The following ROR2 variants were observed in gnomAD, a reference collection of about 807,000 sequenced individuals.
ROR2 encodes the protein tyrosine-protein kinase transmembrane receptor ROR2.
In ROR2, 33 loss-of-function variants were observed where a neutral mutation model predicts 74.9. The ratio of observed to expected loss-of-function variants is 0.44; its 90% CI spans 0.33 to 0.59. ROR2 has a LOEUF of 0.59. ROR2 is among the 20% of genes least tolerant of loss of function. The probability of loss-of-function intolerance (pLI) is 0.02; values close to 1 mark genes in which losing one functional copy is unlikely to be tolerated. For synonymous variants in ROR2, 586 were observed against 558.7 expected (o/e 1.05, Z -0.69); for missense variants, 1,216 against 1,313.8 (o/e 0.93, Z 1.15).
At chr9:91,945,028 C>T (rs747368267) in intron 1 of ROR2, among the ~76,000 whole-genome samples, 1 of 151,514 alleles carries the variant, frequency 6.6e-6, no homozygotes. Context: ...GGTAGTGAGC[C>T]GTGTTTGCAC....
chr9:91,739,041 C>T (rs1343667747), intron 4 of ROR2, among the ~76,000 whole-genome samples: 2 of 152,180 alleles, frequency 1.3e-5, no homozygotes, highest in African/African-American at 4.8e-5. Flanking sequence ...CGGGGGCTGC[C>T]ACTGCTGGCA....
chr9:91,858,938 C>CCT (rs148163248), intron 1 of ROR2, among the ~76,000 whole-genome samples: 1 of 152,266 alleles, frequency 6.6e-6, no homozygotes, highest in African/African-American at 2.4e-5. Context: ...CTATTGCCCA[C>CCT]CTCCTGAACA....
intron 1 of ROR2, among the ~76,000 whole-genome samples, chr9:91,901,864 A>T (rs566811194): frequency 1.9e-4 from 28 of 151,240 alleles, no homozygotes; most frequent in African/African-American, 6.8e-4. Flanking sequence ...AGCTTTGTTT[A>T]TTTTTCCATA....
intron 4 of ROR2, among the ~76,000 whole-genome samples, chr9:91,738,082 C>T (rs1352869600): frequency 5.3e-5 from 8 of 152,018 alleles, no homozygotes; most frequent in African/African-American, 1.7e-4. Context: ...GGTGAGCACA[C>T]GTCACTATAC....
chr9:91,924,545 G>A (rs548023163), intron 1 of ROR2, among the ~76,000 whole-genome samples: 1 of 152,354 alleles, frequency 6.6e-6, no homozygotes, highest in South Asian at 2.1e-4. Flanking sequence ...TGTAATCCCA[G>A]CACTTTGGGA....
intron 1 of ROR2, among the ~76,000 whole-genome samples, chr9:91,777,789 C>A (rs145385133): frequency 1.2e-3 from 175 of 152,140 alleles, no homozygotes; most frequent in African/African-American, 4.1e-3. Context: ...TAAATGAAAT[C>A]ATATAATATG....
intron 4 of ROR2, among the ~76,000 whole-genome samples, chr9:91,740,408 C>T (rs566071509): frequency 4.6e-5 from 7 of 151,990 alleles, no homozygotes; most frequent in Admixed American, 2.0e-4. Context: ...CAAAATTAGC[C>T]AGGCGTAGTG....
chr9:91,937,977 C>G lies in ROR2; in HGVS notation c.97+11890G>C, dbSNP rs561591980. 4.6e-5 allele frequency among the ~76,000 whole-genome samples: 7 copies of G among 152,318 alleles called. No homozygotes were observed. The East Asian group carries it at 1.4e-3, about 29-fold the overall frequency. ...AAGTGACCCTCCCACCTCAGCCTCC[C>G]GAAGTGCTGGGATTACAGGCAAGGG... On this transcript the variant is annotated intron_variant, in intron 1 of 8. Coordinates refer to ENST00000375708, the MANE Select transcript of ROR2 (RefSeq NM_004560.4).
At chr9:91,915,366 C>T (rs562594483) in intron 1 of ROR2, among the ~76,000 whole-genome samples, 5 of 152,282 alleles carry the variant, frequency 3.3e-5, no homozygotes, top group African/African-American at 1.2e-4. Context: ...AGTTTTGTTC[C>T]TTCCGGTAGG....
At chr9:91,777,249 A>G (rs761620328) in intron 1 of ROR2, among the ~76,000 whole-genome samples, 1 of 152,190 alleles carries the variant, frequency 6.6e-6, no homozygotes, top group African/African-American at 2.4e-5. Context: ...TATGTGAACT[A>G]GTAGAATGGG....
intron 2 of ROR2, among the ~76,000 whole-genome samples, chr9:91,772,443 C>A (rs1020803922): frequency 1.3e-5 from 2 of 152,164 alleles, no homozygotes; most frequent in African/African-American, 4.8e-5. Flanking sequence ...TGCCCAAGGC[C>A]CTGACCCCAG....
chr9:91,947,524 G>A (rs1832041013), intron 1 of ROR2, among the ~76,000 whole-genome samples: 1 of 152,080 alleles, frequency 6.6e-6, no homozygotes, highest in African/African-American at 2.4e-5. Flanking sequence ...TTTTCTTCTA[G>A]ATGGATTTCT....
intron 1 of ROR2, among the ~76,000 whole-genome samples, chr9:91,878,451 T>G (rs572070569): frequency 6.0e-4 from 92 of 152,328 alleles, no homozygotes; most frequent in South Asian, 5.6e-3. Flanking sequence ...TGGTGTTTCA[T>G]GCAAACCCAC....
intron 1 of ROR2, among the ~76,000 whole-genome samples, chr9:91,779,750 G>A (rs1354244140): frequency 6.6e-6 from 1 of 152,062 alleles, no homozygotes; most frequent in Non-Finnish European, 1.5e-5. Context: ...CTAACCCTAT[G>A]AACAGAATCT....
chr9:91,925,319 G>A (rs1892263), intron 1 of ROR2, among the ~76,000 whole-genome samples: 27,879 of 151,810 alleles, frequency 0.18, 2,882 homozygotes, highest in Admixed American at 0.26. Flanking sequence ...TCTCAAGAAC[G>A]CACTTCCCCC....
intron 1 of ROR2, among the ~76,000 whole-genome samples, chr9:91,797,139 CTGTGGGTGGGGAATGACACACTGGGCTT>C: frequency 1.1e-5 from 1 of 87,760 alleles, no homozygotes; most frequent in African/African-American, 4.7e-5. Flanking sequence ...ACCCTGGGCT[CTGTGGGTGGGGAATGACACACTGGGCTT>C]TGTGGGAGAG....
chr9:91,921,918 T>C (rs1200044130), intron 1 of ROR2, among the ~76,000 whole-genome samples: 2 of 138,038 alleles, frequency 1.4e-5, no homozygotes, highest in Non-Finnish European at 3.1e-5. Flanking sequence ...CAACCCAAGG[T>C]GAGATTGGGC....
intron 1 of ROR2, among the ~76,000 whole-genome samples, chr9:91,848,301 G>A (rs910141814): frequency 6.6e-6 from 1 of 152,152 alleles, no homozygotes; most frequent in African/African-American, 2.4e-5. Flanking sequence ...TTAAACCAGG[G>A]GAGCGGAGCT....
intron 1 of ROR2, among the ~76,000 whole-genome samples, chr9:91,874,841 A>G (rs764759469): frequency 7.9e-5 from 12 of 152,028 alleles, no homozygotes; most frequent in Non-Finnish European, 1.8e-4. Flanking sequence ...AGGCTGAGGC[A>G]GGAGAATCAC....
Sources: allele counts gnomAD v4.1 joint callset (sites outside exome capture counted in the v4.1 genomes callset), GRCh38; gene constraint gnomAD v4.1.1; transcripts MANE v1.5; gene names NCBI Gene and HGNC (gene_info 2026-07-23, HGNC 2026-07-21).